The following ADAM7 variants were observed in gnomAD, a reference collection of about 807,000 sequenced individuals.
ADAM7 encodes the protein disintegrin and metalloproteinase domain-containing protein 7.
Under a neutral mutation model 102.9 loss-of-function variants are expected in ADAM7, and 97 were observed. That is an observed-to-expected ratio of 0.94 (90% CI 0.80 to 1.12). ADAM7 has a LOEUF of 1.12. Among genes scored for constraint, ADAM7 ranks in the 50% most tolerant of loss-of-function variants. The pLI is 0.00. For missense variants in ADAM7, 991 were observed against 908.7 expected (o/e 1.09, Z -1.16); for synonymous variants, 334 against 304.4 (o/e 1.10, Z -1.01).
intron 7 of ADAM7, among the ~76,000 whole-genome samples, chr8:24,471,477 T>TTC (rs1554540740): frequency 2.0e-5 from 3 of 151,438 alleles, no homozygotes; most frequent in African/African-American, 7.3e-5. Context: ...TTTTTTTTTT[T>TTC]GTCATTTATA....
intron 8 of ADAM7, among the ~76,000 whole-genome samples, chr8:24,481,592 G>C (rs970947681): frequency 6.6e-6 from 1 of 152,168 alleles, no homozygotes; most frequent in African/African-American, 2.4e-5. Context: ...TAGGTGTGAG[G>C]TTTATAGGCT....
intron 2 of ADAM7, among the ~76,000 whole-genome samples, chr8:24,443,939 A>AAAAATAAAATAAAAT (rs144352481): frequency 8.2e-5 from 12 of 145,658 alleles, no homozygotes; most frequent in African/African-American, 3.0e-4. Context: ...CTCAAAAAAT[A>AAAAATAAAATAAAAT]AAAATAAAAT....
chr8:24,474,422 G>A (rs566962666), intron 7 of ADAM7, among the ~76,000 whole-genome samples: 2 of 152,210 alleles, frequency 1.3e-5, no homozygotes, highest in South Asian at 4.1e-4. Context: ...ATTAAACTGG[G>A]CTTTAGTGTA....
At chr8:24,489,390 G>A in intron 12 of ADAM7, 57 bp downstream of exon 12, 1 of 1,497,094 alleles carries the variant, frequency 6.7e-7, no homozygotes, top group Admixed American at 2.1e-5. Context: ...GTAGAACCTA[G>A]GCAGGGATGT....
intron 3 of ADAM7, among the ~76,000 whole-genome samples, chr8:24,451,249 G>A (rs1038798406): frequency 1.3e-5 from 2 of 151,876 alleles, no homozygotes; most frequent in African/African-American, 4.8e-5. Flanking sequence ...TTGTACCTCT[G>A]GTAGAATTCG....
At chr8:24,451,845 T>C (rs1253600184) in intron 3 of ADAM7, among the ~76,000 whole-genome samples, 1 of 150,910 alleles carries the variant, frequency 6.6e-6, no homozygotes, top group Non-Finnish European at 1.5e-5. Context: ...TTCTGGTATG[T>C]TGTGTCTTTG....
At chr8:24,503,204 T>C (rs1471640132) in intron 20 of ADAM7, among the ~76,000 whole-genome samples, 1 of 152,114 alleles carries the variant, frequency 6.6e-6, no homozygotes, top group Non-Finnish European at 1.5e-5. Context: ...GAAAATTCAG[T>C]AAACTAGGAA....
At chr8:24,491,394 C>T (rs1820346515) in intron 13 of ADAM7, among the ~76,000 whole-genome samples, 1 of 152,158 alleles carries the variant, frequency 6.6e-6, no homozygotes, top group South Asian at 2.1e-4. Flanking sequence ...TCTTCAAATT[C>T]ATCCAGAACC....
Position 24,468,749 on chromosome 8 carries a change from T to C in ADAM7, c.580-18T>C. 2 of 1,611,258 alleles carry C rather than the reference T, an allele frequency of 1.2e-6. No homozygotes were observed. Among genetic ancestry groups the C allele is most frequent in the Non-Finnish European group, 1.7e-6 (2 of 1,178,262 alleles). ...AAGTGTTAACTATACTTCAACTGAATTTTCCCTAACTTTACAGGGCATCCA... is the reference window on the plus strand; with the variant it reads ...AAGTGTTAACTATACTTCAACTGAACTTTCCCTAACTTTACAGGGCATCCA... On this transcript the variant is annotated intron_variant, in intron 6 of 21. Transcript: ENST00000175238.
chr8:24,481,269 T>C (rs1294158933), intron 8 of ADAM7, among the ~76,000 whole-genome samples: 4 of 152,194 alleles, frequency 2.6e-5, no homozygotes, highest in South Asian at 2.1e-4. Context: ...ATTCATATCA[T>C]GTAGGTTAAG....
intron 16 of ADAM7, among the ~76,000 whole-genome samples, chr8:24,494,989 G>C (rs529533814): frequency 1.3e-5 from 2 of 152,296 alleles, no homozygotes; most frequent in South Asian, 4.1e-4. Flanking sequence ...CCTGGCTCCA[G>C]ACAGGGTTTC....
chr8:24,503,550 C>A (rs56889492), intron 20 of ADAM7, among the ~76,000 whole-genome samples: 43,098 of 152,038 alleles, frequency 0.28, 6,694 homozygotes, highest in South Asian at 0.39. Context: ...GATTGTAAAT[C>A]ATTCTACTAT....
intron 7 of ADAM7, among the ~76,000 whole-genome samples, chr8:24,473,304 A>G (rs7818499): frequency 3.6e-3 from 545 of 152,298 alleles, no homozygotes; most frequent in African/African-American, 0.013. Context: ...TGGGTAATCA[A>G]TGACTCATGC....
At chr8:24,459,178 A>T (rs1819148221) in intron 3 of ADAM7, among the ~76,000 whole-genome samples, 1 of 151,934 alleles carries the variant, frequency 6.6e-6, no homozygotes, top group South Asian at 2.1e-4. Context: ...TTTTATAACC[A>T]ATTCAAGTTT....
At chr8:24,478,456 G>T (rs571402462) in intron 8 of ADAM7, among the ~76,000 whole-genome samples, 54 of 152,056 alleles carry the variant, frequency 3.6e-4, no homozygotes, top group Admixed American at 3.5e-3. Flanking sequence ...TCTGATTTGG[G>T]TACCTTAATT....
chr8:24,489,458 CCATTTTTATTTTGATTT>C lies in ADAM7; in HGVS notation c.1266+126_1266+142del, dbSNP rs3215034. 1,139 of 901,496 alleles carry C rather than the reference CCATTTTTATTTTGATTT, an allele frequency of 1.3e-3. 15 individuals are homozygous for C. The East Asian group carries it at 0.03, about 24-fold the overall frequency. The allele number at this position is 901,496 out of a possible 1,614,324, so 55.8% of individuals were successfully genotyped here. A position where few individuals can be genotyped will look rare whatever the true frequency, so the allele number is the denominator to read the frequency against. ...GTAAAACTTTTAAAAATTTTGCTTT[CCATTTTTATTTTGATTT>C]TATAAAACAAATTATTGGTGCAGCC... is the stretch of plus-strand genomic sequence containing the variant. On this transcript the variant is annotated intron_variant, in intron 12 of 21. Transcript: ENST00000175238.
rs149711427 is a variant in ADAM7, at chr8:24,447,886, A to G, written c.233+624A>G. ...AAATGCTAAGCAGAAAGAAAGAGTG[A>G]CACTACTGGGGAATTGAGACTTTGG... On this transcript the variant is annotated intron_variant, in intron 3 of 21. Transcript: ENST00000175238. Among the ~76,000 whole-genome samples the G allele has an allele frequency of 8.6e-3, 1,306 of 151,912 alleles. 17 individuals are homozygous for G. The highest frequency in any genetic ancestry group is 0.03 in the African/African-American group (1,253 of 41,424).
intron 3 of ADAM7, among the ~76,000 whole-genome samples, chr8:24,461,952 C>T (rs1819256936): frequency 6.6e-6 from 1 of 152,126 alleles, no homozygotes; most frequent in Admixed American, 6.6e-5. Flanking sequence ...TCTGTAATTT[C>T]AACTTCTAGA....
At chr8:24,467,011 T>C (rs183779862) in intron 6 of ADAM7, 23 bp downstream of exon 6, 2 of 1,589,158 alleles carry the variant, frequency 1.3e-6, no homozygotes, top group South Asian at 2.2e-5. Flanking sequence ...TTATTATCTT[T>C]ACCCCAAATG....
Sources: gnomAD v4.1 joint callset for allele counts (sites outside exome capture counted in the v4.1 genomes callset) on GRCh38, gnomAD v4.1.1 for gene constraint, MANE v1.5 for transcripts, NCBI Gene and HGNC (gene_info 2026-07-23, HGNC 2026-07-21) for gene names.